COL24A1: variants seen among roughly 807,000 people sequenced by gnomAD.
The protein encoded by COL24A1 is collagen type XXIV alpha 1 chain, also known as collagen alpha-1(XXIV) chain.
In COL24A1, 224 loss-of-function variants were observed where a neutral mutation model predicts 253.9. The observed-to-expected ratio is 0.88, with a 90% CI of 0.79 to 0.99. The LOEUF (loss-of-function observed/expected upper bound fraction) is 0.99. Among genes scored for constraint, COL24A1 ranks in the 50% least tolerant of loss-of-function variants. The pLI is 0.00. For missense variants in COL24A1, 2,131 were observed against 2,068.5 expected, an observed-to-expected ratio of 1.03 and a Z score of -0.59; for synonymous variants, 685 against 673.7, an observed-to-expected ratio of 1.02 and a Z score of -0.26.
intron 8 of COL24A1, among the ~76,000 whole-genome samples, chr1:86,059,705 T>A (rs1700937102): frequency 6.6e-6 from 1 of 152,136 alleles, no homozygotes; most frequent in African/African-American, 2.4e-5. Context: ...CCAGTAAATT[T>A]GAATGGTGCT....
At chr1:85,875,386 G>C in intron 33 of COL24A1, 56 bp from the exon 34 acceptor site, 1 of 1,409,032 alleles carries the variant, frequency 7.1e-7, no homozygotes, top group Non-Finnish European at 1.0e-6. Flanking sequence ...ATGAGAAGAT[G>C]GTGGTAACAC....
At chr1:85,836,179 T>C (rs962546386) in intron 43 of COL24A1, among the ~76,000 whole-genome samples, 1 of 152,248 alleles carries the variant, frequency 6.6e-6, no homozygotes, top group African/African-American at 2.4e-5. Flanking sequence ...TGGAGCTTTA[T>C]TTCTTTATGA....
Position 85,851,787 on chromosome 1 carries a change from GTA to G in COL24A1, c.3301-2383_3301-2382del, listed in dbSNP as rs1677800551. On this transcript the variant is annotated intron_variant, in intron 37 of 59. Transcript: ENST00000370571. The stretch of plus-strand genomic sequence containing the variant: ...ACTGGGCTGTCTTATTTAGTTACAT[GTA>G]TATGTTTTTATACATACTTATATTT... 2.0e-5 allele frequency among the ~76,000 whole-genome samples: 3 copies of G among 152,194 alleles called. No homozygotes were observed. The South Asian group carries it at 6.2e-4, about 32-fold the overall frequency.
At chr1:85,977,506 G>GA (rs1187741935) in intron 20 of COL24A1, among the ~76,000 whole-genome samples, 1 of 152,090 alleles carries the variant, frequency 6.6e-6, no homozygotes, top group Non-Finnish European at 1.5e-5. Context: ...ATTCTCCAGA[G>GA]AAACAGATAT....
intron 5 of COL24A1, among the ~76,000 whole-genome samples, chr1:86,106,184 A>G (rs1227421915): frequency 1.3e-5 from 2 of 152,168 alleles, no homozygotes; most frequent in South Asian, 2.1e-4. Flanking sequence ...TAATTCATAT[A>G]GAAGGAAAAA....
chr1:85,977,685 A>G (rs750643531), intron 20 of COL24A1, among the ~76,000 whole-genome samples: 3 of 152,154 alleles, frequency 2.0e-5, no homozygotes, highest in African/African-American at 4.8e-5. Flanking sequence ...AAAAAAGAAC[A>G]AGAACAACAA....
intron 5 of COL24A1, among the ~76,000 whole-genome samples, chr1:86,111,569 T>C (rs1705608743): frequency 6.6e-6 from 1 of 152,130 alleles, no homozygotes. Flanking sequence ...CAGCAGGATG[T>C]GGGTGAAGTC....
intron 19 of COL24A1, among the ~76,000 whole-genome samples, chr1:86,012,347 T>C (rs1010786222): frequency 6.6e-6 from 1 of 152,094 alleles, no homozygotes; most frequent in Admixed American, 6.5e-5. Context: ...CCCAGCACTT[T>C]GGGAGGCCGA....
chr1:85,891,056 C>CTT (rs1052392254), intron 31 of COL24A1, among the ~76,000 whole-genome samples: 1 of 144,862 alleles, frequency 6.9e-6, no homozygotes, highest in Non-Finnish European at 1.5e-5. Flanking sequence ...ATCTTTTTTT[C>CTT]TTTTTTTTTT....
At chr1:85,779,304 T>G (rs1350099372) in intron 52 of COL24A1, among the ~76,000 whole-genome samples, 3 of 152,198 alleles carry the variant, frequency 2.0e-5, no homozygotes, top group African/African-American at 7.2e-5. Flanking sequence ...TCTGGCTGAA[T>G]GCTAGACAAT....
intron 47 of COL24A1, among the ~76,000 whole-genome samples, chr1:85,809,809 TTA>T (rs544810606): frequency 5.4e-5 from 8 of 147,814 alleles, no homozygotes; most frequent in African/African-American, 2.0e-4. Context: ...GTATATAATA[TTA>T]TATATATATA....
chr1:85,821,573 A>G (rs1673623404), intron 45 of COL24A1, among the ~76,000 whole-genome samples: 1 of 152,226 alleles, frequency 6.6e-6, no homozygotes, highest in South Asian at 2.1e-4. Flanking sequence ...AGGTGTCCCT[A>G]GTGAATAATA....
intron 22 of COL24A1, among the ~76,000 whole-genome samples, chr1:85,967,290 A>C: frequency 6.6e-6 from 1 of 152,214 alleles, no homozygotes; most frequent in East Asian, 1.9e-4. Flanking sequence ...AGAAACAGAA[A>C]GTATAAAGTA....
intron 47 of COL24A1, among the ~76,000 whole-genome samples, chr1:85,812,747 T>C (rs1164387577): frequency 1.3e-5 from 2 of 152,196 alleles, no homozygotes; most frequent in African/African-American, 4.8e-5. Context: ...GTAAACAAGA[T>C]GGACCTTTAG....
At chr1:85,787,991 A>G (rs1043803624) in intron 47 of COL24A1, among the ~76,000 whole-genome samples, 2 of 151,314 alleles carry the variant, frequency 1.3e-5, no homozygotes, top group African/African-American at 2.4e-5. Context: ...AATGATGCTG[A>G]GCTTTTTTTT....
rs78540830 is a variant in COL24A1 at position 86,014,657 on chromosome 1, A to G, written c.2310+2494T>C. ...TTTTTGGAATGATGATCCACATTCT[A>G]CCCAACTTTTCAAGCAAAAAGTGTT... On this transcript the variant is annotated intron_variant, in intron 19 of 59. Transcript: ENST00000370571. Among the ~76,000 whole-genome samples, 536 of 152,028 alleles carry G rather than the reference A, an allele frequency of 3.5e-3. 5 individuals carry two copies. Among genetic ancestry groups the G allele is most frequent in the African/African-American group, 0.012 (516 of 41,452 alleles).
chr1:86,033,000 T>C (rs945987018), intron 13 of COL24A1, among the ~76,000 whole-genome samples: 5 of 152,074 alleles, frequency 3.3e-5, no homozygotes, highest in Non-Finnish European at 7.4e-5. Flanking sequence ...GCAAGAAAAA[T>C]GGTAAACATT....
intron 19 of COL24A1, among the ~76,000 whole-genome samples, chr1:85,998,153 T>C (rs7516083): frequency 0.39 from 58,755 of 151,660 alleles, 11,801 homozygotes; most frequent in East Asian, 0.58. Context: ...TTGAACTATT[T>C]GCAGTTTTCT....
chr1:85,805,941 T>G (rs1671914903), intron 47 of COL24A1, among the ~76,000 whole-genome samples: 1 of 151,988 alleles, frequency 6.6e-6, no homozygotes, highest in African/African-American at 2.4e-5. Context: ...CTGAGCGTGG[T>G]GGCGGGCACC....
Sources: allele counts gnomAD v4.1 joint callset (sites outside exome capture counted in the v4.1 genomes callset), GRCh38; gene constraint gnomAD v4.1.1; transcripts MANE v1.5; gene names NCBI Gene and HGNC (gene_info 2026-07-23, HGNC 2026-07-21).